RBM28: variants seen among roughly 807,000 people sequenced by gnomAD.
RBM28 encodes RNA-binding protein 28.
In RBM28, 78 loss-of-function variants were observed where a neutral mutation model predicts 98.3. The observed-to-expected ratio is 0.79, with a 90% CI of 0.66 to 0.96. RBM28 has a LOEUF of 0.96. RBM28 is among the 40% of genes least tolerant of loss of function. RBM28 has a pLI of 0.00. For missense variants in RBM28, 838 were observed against 913.0 expected (o/e 0.92, Z 1.06); for synonymous variants, 306 against 330.9 (o/e 0.92, Z 0.82).
At chr7:128,323,805 G>A (rs948813818) in intron 12 of RBM28, among the ~76,000 whole-genome samples, 1 of 152,178 alleles carries the variant, frequency 6.6e-6, no homozygotes, top group African/African-American at 2.4e-5. Context: ...TAAACATTTT[G>A]TGATTTTATT....
Position 128,307,559 on chromosome 7 carries a change from C to T in RBM28, c.*3238G>A, listed in dbSNP as rs1465858893. The T allele has an allele frequency of 6.6e-6, 1 of 152,184 alleles. No individual in the cohort carries two copies. Among genetic ancestry groups the T allele is most frequent in the Non-Finnish European group, 1.5e-5 (1 of 68,036 alleles). 9.4% of individuals were successfully genotyped at this position (152,184 alleles called of 1,614,324 possible). ...GAAGGCACAGATCTCATTTTTGTGA[C>T]AGGTGAAACATAATCCTTGCCACAG... On this transcript the variant is annotated 3_prime_UTR_variant, in exon 19 of 19. Transcript: ENST00000223073.
chr7:128,311,416 G>A (rs931979035), intron 18 of RBM28, among the ~76,000 whole-genome samples: 6 of 152,170 alleles, frequency 3.9e-5, no homozygotes, highest in African/African-American at 1.4e-4. Context: ...TAGGGAAGGG[G>A]AGAAGCAAGC....
At chr7:128,332,017 T>C (rs1159251056) in intron 9 of RBM28, among the ~76,000 whole-genome samples, 6 of 152,208 alleles carry the variant, frequency 3.9e-5, no homozygotes, top group African/African-American at 1.4e-4. Flanking sequence ...AGTTCTTTAT[T>C]AAAAGGTGTA....
chr7:128,336,556 C>T (rs1216292821), intron 6 of RBM28, among the ~76,000 whole-genome samples: 4 of 152,204 alleles, frequency 2.6e-5, no homozygotes, highest in Non-Finnish European at 5.9e-5. Flanking sequence ...CTCAGGCTCA[C>T]TCACAGCCAC....
At chr7:128,331,037 T>C in intron 9 of RBM28, 109 bp from the exon 10 acceptor site, 1 of 775,280 alleles carries the variant, frequency 1.3e-6, no homozygotes, top group Non-Finnish European at 2.3e-6. Flanking sequence ...TGTTCAGAAA[T>C]AGCACTAATA....
In RBM28 at chr7:128,310,326, T is replaced by C. The variant is rs1417560097; in HGVS notation, c.*471A>G. ...AGACAGTTCCTGCAGTGTGTAAGAC[T>C]ACAGAGCTGAATTAGGAATGTCAAA... On this transcript the variant is annotated 3_prime_UTR_variant, in exon 19 of 19. Coordinates refer to ENST00000223073, the MANE Select transcript of RBM28 (RefSeq NM_018077.3). The C allele has an allele frequency of 4.2e-6, 1 of 239,262 alleles. No individual in the cohort carries two copies. Among genetic ancestry groups the C allele is most frequent in the East Asian group, 1.1e-4 (1 of 9,068 alleles). 14.8% of individuals were successfully genotyped at this position (239,262 alleles called of 1,614,324 possible).
In RBM28 at chr7:128,339,293, C is replaced by T. The variant is rs61733107; in HGVS notation, c.306G>A (p.Pro102=). 2,342 of 1,613,178 alleles carry T rather than the reference C, an allele frequency of 1.5e-3. 6 individuals carry two copies. Among genetic ancestry groups the T allele is most frequent in the Middle Eastern group, 4.3e-3 (26 of 6,058 alleles). ...CTGCCACTTTGGCTTTTTTAGCCTT[C>T]GGCTCCTTCTTTGGGCACTCTGAGT... is the stretch of plus-strand genomic sequence containing the variant. ...NENSECPKKE[P]KAKKAKVADK... The change falls in exon 3 of 19, where the codon CCG becomes CCA. Residue 102 remains proline, a synonymous_variant. Coordinates refer to ENST00000223073, the MANE Select transcript of RBM28 (RefSeq NM_018077.3).
Position 128,325,853 on chromosome 7 carries a change from G to C in RBM28, c.1168C>G (p.Gln390Glu), listed in dbSNP as rs1451134384. The change falls in exon 11 of 19, where the codon CAG becomes GAG. Residue 390 changes from glutamine to glutamate, a missense_variant. Gln to Glu is a conservative substitution (Grantham distance 29). Transcript: ENST00000223073. ...GGAGAAGCAGCTAGAAGGCATTTCT[G>C]AGCTGCTTCTTGAGTCATGAACTGG... ...FAQFMTQEAA[Q>E]KCLLAASPEN... The C allele has an allele frequency of 6.2e-7, 1 of 1,613,674 alleles. No individual in the cohort carries two copies. Among genetic ancestry groups the C allele is most frequent in the Admixed American group, 1.7e-5 (1 of 60,020 alleles).
In RBM28 at chr7:128,305,925, G is replaced by A. The variant is rs561627052; in HGVS notation, c.*4872C>T. 1 of 152,238 alleles carries A rather than the reference G, an allele frequency of 6.6e-6. No individual in the cohort carries two copies. Among genetic ancestry groups the A allele is most frequent in the Non-Finnish European group, 1.5e-5 (1 of 68,054 alleles). The allele number at this position is 152,238 out of a possible 1,614,324, so 9.4% of individuals were successfully genotyped here. On this transcript the variant is annotated 3_prime_UTR_variant, in exon 19 of 19. Coordinates refer to ENST00000223073, the MANE Select transcript of RBM28 (RefSeq NM_018077.3). Reference sequence around the variant, plus strand: ...AAAATACATAAAACAAGGACAGGTTGTTCGGCATCTCTTCAGGAGATGACT... The same window carrying A: ...AAAATACATAAAACAAGGACAGGTTATTCGGCATCTCTTCAGGAGATGACT...
rs765874284 is a variant in RBM28 at position 128,315,026 on chromosome 7, T to C, written c.1789-6A>G. The C allele has an allele frequency of 1.9e-6, 3 of 1,614,202 alleles. No individual in the cohort carries two copies. Among genetic ancestry groups the C allele is most frequent in the Admixed American group, 3.3e-5 (2 of 60,030 alleles). On this transcript the variant is annotated splice_region_variant and splice_polypyrimidine_tract_variant and intron_variant, in intron 16 of 18. Transcript: ENST00000223073. ...GGCTTGGATCTCATTTTTTGCTGCATAAAACAAGAAAATGCCATCTGGTTT... is the reference window on the plus strand; with the variant it reads ...GGCTTGGATCTCATTTTTTGCTGCACAAAACAAGAAAATGCCATCTGGTTT...
At chr7:128,329,820 C>A (rs1796434908) in intron 10 of RBM28, among the ~76,000 whole-genome samples, 1 of 131,980 alleles carries the variant, frequency 7.6e-6, no homozygotes, top group Non-Finnish European at 1.5e-5. Context: ...ACCCAGGAGG[C>A]GGAGCTTGCA....
intron 18 of RBM28, 116 bp from the exon 19 acceptor site, chr7:128,311,047 AG>A: frequency 9.5e-7 from 1 of 1,049,726 alleles, no homozygotes; most frequent in South Asian, 1.3e-5. Flanking sequence ...TCTACCAGAA[AG>A]GGGTAGGTTT....
Position 128,314,793 on chromosome 7 carries a change from C to T in RBM28, c.2016G>A (p.Ala672=), listed in dbSNP as rs749555599. 3.7e-6 allele frequency: 6 copies of T among 1,614,184 alleles called. No homozygotes were observed. Among genetic ancestry groups the T allele is most frequent in the Admixed American group, 1.7e-5 (1 of 60,020 alleles). ...TTTTGGGGCCTCGGTGTGAGGGGAG[C>T]GCCAGGACCTTTCTTCTCTTCTTTC... is the stretch of plus-strand genomic sequence containing the variant. The part of the protein sequence containing the change: ...PDGKKRRKVL[A]LPSHRGPKIR... Residue 672 remains alanine, a synonymous_variant, in exon 17 of 19, where the codon GCG becomes GCA. Coordinates refer to ENST00000223073, the MANE Select transcript of RBM28 (RefSeq NM_018077.3).
Position 128,305,230 on chromosome 7 carries a change from T to C in RBM28, c.*5567A>G, listed in dbSNP as rs1433579119. The stretch of plus-strand genomic sequence containing the variant: ...CTCACTGTAAATAGCATAAGAACAA[T>C]GTTCTGGCCCCTCCCTCCACTTGAG... On this transcript the variant is annotated 3_prime_UTR_variant, in exon 19 of 19. Transcript: ENST00000223073. 1 of 151,014 alleles carries C rather than the reference T, an allele frequency of 6.6e-6. No homozygotes were observed. The highest frequency in any genetic ancestry group is 1.9e-4 in the East Asian group (1 of 5,140). The allele number at this position is 151,014 out of a possible 1,614,324, so 9.4% of individuals were successfully genotyped here. A position where few individuals can be genotyped will look rare whatever the true frequency, so the allele number is the denominator to read the frequency against.
At chr7:128,329,785 A>G (rs1796433422) in intron 10 of RBM28, among the ~76,000 whole-genome samples, 1 of 145,612 alleles carries the variant, frequency 6.9e-6, no homozygotes, top group African/African-American at 2.5e-5. Context: ...GCTACTCAGG[A>G]GGCTGAGGCA....
At chr7:128,341,005 A>G in intron 1 of RBM28, 1 of 466,418 alleles carries the variant, frequency 2.1e-6, no homozygotes, top group South Asian at 2.1e-5. Context: ...AAAACTACAA[A>G]TATCAACTGT....
At chr7:128,341,230 C>G (rs1252669371) in intron 1 of RBM28, 1 of 1,244,096 alleles carries the variant, frequency 8.0e-7, no homozygotes, top group Non-Finnish European at 1.1e-6. Context: ...CTGGTTAAAG[C>G]AACATAACAT....
rs34825938 is a variant in RBM28 at position 128,312,088 on chromosome 7, A to AACACAC, written c.2145+1081_2145+1086dup. 4.6e-5 allele frequency among the ~76,000 whole-genome samples: 7 copies of AACACAC among 152,090 alleles called. No homozygotes were observed. The East Asian group carries it at 5.8e-4, about 13-fold the overall frequency. On this transcript the variant is annotated intron_variant, in intron 18 of 18. Transcript: ENST00000223073. Reference sequence around the variant, plus strand: ...GTATGTGCCTCAGGCGATATAAGGAAACACACACACCACCTATGAAATACT... The same window carrying AACACAC: ...GTATGTGCCTCAGGCGATATAAGGAAACACACACACACACACCACCTATGAAATACT...
In RBM28 at chr7:128,308,243, C is replaced by T. The variant is rs776214881; in HGVS notation, c.*2554G>A. The T allele has an allele frequency of 6.6e-6, 1 of 152,178 alleles. No individual in the cohort carries two copies. Among genetic ancestry groups the T allele is most frequent in the Non-Finnish European group, 1.5e-5 (1 of 68,036 alleles). 9.4% of individuals were successfully genotyped at this position (152,178 alleles called of 1,614,324 possible). A position where few individuals can be genotyped will look rare whatever the true frequency, so the allele number is the denominator to read the frequency against. The stretch of plus-strand genomic sequence containing the variant: ...AGCAAGTGAATGAGGTTTTAACATA[C>T]TGTTAAGTTGTTAAAAGAAATATTT... On this transcript the variant is annotated 3_prime_UTR_variant, in exon 19 of 19. Coordinates refer to ENST00000223073, the MANE Select transcript of RBM28 (RefSeq NM_018077.3).
Sources: allele counts gnomAD v4.1 joint callset (sites outside exome capture counted in the v4.1 genomes callset), GRCh38; gene constraint gnomAD v4.1.1; transcripts MANE v1.5; gene names NCBI Gene and HGNC (gene_info 2026-07-23, HGNC 2026-07-21).